Variants in PTCHD4 observed in about 807,000 individuals in gnomAD.
PTCHD4 encodes the protein patched domain-containing protein 4.
PTCHD4 carries 33 observed loss-of-function variants against 58.1 expected under a neutral mutation model. That is an observed-to-expected ratio of 0.57 (90% CI 0.43 to 0.76). The LOEUF is 0.76. Ranked by LOEUF, PTCHD4 falls within the 30% of genes least tolerant of loss-of-function variation. PTCHD4 has a pLI of 0.00. For missense variants in PTCHD4, 1,058 were observed against 1,027.1 expected (o/e 1.03, Z -0.41); for synonymous variants, 478 against 409.6 (o/e 1.17, Z -2.02).
Position 48,068,661 on chromosome 6 carries a change from A to G in PTCHD4, c.6-20T>C. On this transcript the variant is annotated intron_variant, in intron 2 of 4. Transcript: ENST00000339488. This position sits in a 1 kb window ranked among gnomAD's most constrained non-coding sequence, Gnocchi z 4.2. Reference sequence around the variant, plus strand: ...GGCCGTCTTAAAAAGCACATGTGACATGTGTAAGCGCCGGGCTACCCCGTT... The same window carrying G: ...GGCCGTCTTAAAAAGCACATGTGACGTGTGTAAGCGCCGGGCTACCCCGTT... 6.5e-7 allele frequency: 1 copy of G among 1,530,500 alleles called. No individual in the cohort carries two copies. The highest frequency in any genetic ancestry group is 8.7e-7 in the Non-Finnish European group (1 of 1,143,360). 94.8% of individuals were successfully genotyped at this position (1,530,500 alleles called of 1,614,324 possible). A position where few individuals can be genotyped will look rare whatever the true frequency, so the allele number is the denominator to read the frequency against.
chr6:47,950,255 A>G (rs1581922045), intron 4 of PTCHD4, among the ~76,000 whole-genome samples: 1 of 152,090 alleles, frequency 6.6e-6, no homozygotes, highest in African/African-American at 2.4e-5. Context: ...TGAAGGGGGA[A>G]AGTTGCATAA....
intron 1 of PTCHD4, among the ~76,000 whole-genome samples, chr6:48,110,656 C>CACAT (rs1364978172): frequency 6.6e-6 from 1 of 151,092 alleles, no homozygotes; most frequent in Non-Finnish European, 1.5e-5. Flanking sequence ...CACACACACA[C>CACAT]ACACATACAC....
intron 4 of PTCHD4, among the ~76,000 whole-genome samples, chr6:47,881,069 T>C (rs776141999): frequency 6.6e-6 from 1 of 152,144 alleles, no homozygotes. Context: ...ATACAAGCTG[T>C]GCTTGGGCTG....
At chr6:48,098,014 C>T (rs1228687241) in intron 1 of PTCHD4, among the ~76,000 whole-genome samples, 1 of 152,140 alleles carries the variant, frequency 6.6e-6, no homozygotes, top group African/African-American at 2.4e-5. Flanking sequence ...AGTTCCTGTA[C>T]ATCACCTACC....
chr6:48,099,776 G>A (rs373049829), intron 1 of PTCHD4, among the ~76,000 whole-genome samples: 133 of 152,312 alleles, frequency 8.7e-4, no homozygotes, highest in African/African-American at 3.1e-3. Flanking sequence ...TCTGAATTAG[G>A]TGTTTTGATG....
intron 3 of PTCHD4, among the ~76,000 whole-genome samples, chr6:48,009,584 C>T (rs993365253): frequency 6.6e-6 from 1 of 152,118 alleles, no homozygotes; most frequent in African/African-American, 2.4e-5. Flanking sequence ...TATACCTATG[C>T]CAACACTGAT....
At chr6:47,909,021 G>T (rs1478239841) in intron 4 of PTCHD4, among the ~76,000 whole-genome samples, 2 of 152,144 alleles carry the variant, frequency 1.3e-5, no homozygotes, top group Non-Finnish European at 2.9e-5. Context: ...TTAGCAGGTT[G>T]CCAGGTATAC....
intron 4 of PTCHD4, among the ~76,000 whole-genome samples, chr6:47,881,693 A>C (rs1764024829): frequency 6.6e-6 from 1 of 152,188 alleles, no homozygotes; most frequent in South Asian, 2.1e-4. Context: ...TATAGTATTT[A>C]CAGACTTAAA....
rs1765453573 is a variant in PTCHD4, at chr6:48,095,665, G to C, written c.-970+15384C>G. Among the ~76,000 whole-genome samples the C allele has an allele frequency of 2.0e-5, 3 of 151,370 alleles. No individual in the cohort carries two copies. In the South Asian group the frequency reaches 6.2e-4, roughly 31 times the overall value. Reference sequence around the variant, plus strand: ...GATTGCGCCACTGCACTCCAGCCTAGGCTACAGAGCAAGACTCCGTCTCAA... The same window carrying C: ...GATTGCGCCACTGCACTCCAGCCTACGCTACAGAGCAAGACTCCGTCTCAA... On this transcript the variant is annotated intron_variant, in intron 1 of 4. Coordinates refer to ENST00000339488, the MANE Select transcript of PTCHD4 (RefSeq NM_001384253.1).
chr6:47,927,348 C>G (rs1161976133), intron 4 of PTCHD4, among the ~76,000 whole-genome samples: 1 of 152,156 alleles, frequency 6.6e-6, no homozygotes, highest in Non-Finnish European at 1.5e-5. Flanking sequence ...GCAGTCCCTC[C>G]GTAGCCTATC....
At position 47,879,014 on chromosome 6, in the gene PTCHD4, C is replaced by T; in HGVS notation, c.1821G>A (p.Leu607=). Residue 607 remains leucine, a synonymous_variant, in exon 5 of 5, where the codon CTG becomes CTA. Coordinates refer to ENST00000339488, the MANE Select transcript of PTCHD4 (RefSeq NM_001384253.1). The part of the protein sequence containing the change: ...ESNIIASRLY[L]VARTSRDKQK... The stretch of plus-strand genomic sequence containing the variant: ...GCTTGTCTCTGCTAGTCCTGGCCAC[C>T]AGATACAAGCGAGAAGCAATGATAT... 6.2e-7 allele frequency: 1 copy of T among 1,613,432 alleles called. No homozygotes were observed. Among genetic ancestry groups the T allele is most frequent in the Non-Finnish European group, 8.5e-7 (1 of 1,179,750 alleles).
chr6:47,924,430 T>C (rs1266603776), intron 4 of PTCHD4, among the ~76,000 whole-genome samples: 1 of 152,082 alleles, frequency 6.6e-6, no homozygotes, highest in Non-Finnish European at 1.5e-5. Flanking sequence ...GGAGTAGGTG[T>C]GGAGGTTAAG....
intron 3 of PTCHD4, among the ~76,000 whole-genome samples, chr6:48,040,510 C>T (rs767197592): frequency 1.4e-4 from 21 of 151,950 alleles, no homozygotes; most frequent in African/African-American, 9.7e-5. Context: ...TTTCCTAGCT[C>T]CCACAATGAG....
intron 4 of PTCHD4, among the ~76,000 whole-genome samples, chr6:47,971,413 A>G (rs1767506031): frequency 6.6e-6 from 1 of 152,192 alleles, no homozygotes; most frequent in Non-Finnish European, 1.5e-5. Flanking sequence ...TGTACCCAGC[A>G]GAAGAATGAA....
At chr6:47,954,591 A>G (rs905199071) in intron 4 of PTCHD4, among the ~76,000 whole-genome samples, 8 of 152,206 alleles carry the variant, frequency 5.3e-5, no homozygotes, top group Non-Finnish European at 7.3e-5. Context: ...CTGACATTAG[A>G]GGCATTCTTT....
At chr6:48,022,400 A>T (rs1189156207) in intron 3 of PTCHD4, among the ~76,000 whole-genome samples, 1 of 152,042 alleles carries the variant, frequency 6.6e-6, no homozygotes, top group Non-Finnish European at 1.5e-5. Context: ...TTTATTTTTA[A>T]TCCCCAAAAG....
At chr6:48,006,108 C>T (rs1358726815) in intron 4 of PTCHD4, among the ~76,000 whole-genome samples, 3 of 152,128 alleles carry the variant, frequency 2.0e-5, no homozygotes, top group African/African-American at 4.8e-5. Context: ...AGAAATGATC[C>T]TTTCAGAAGA....
intron 4 of PTCHD4, among the ~76,000 whole-genome samples, chr6:47,913,650 A>T (rs1765137820): frequency 1.3e-5 from 2 of 152,116 alleles, no homozygotes; most frequent in South Asian, 2.1e-4. Context: ...AAGGACTACC[A>T]CTGTAAGCAG....
At chr6:48,039,945 G>A (rs1763785379) in intron 3 of PTCHD4, among the ~76,000 whole-genome samples, 1 of 152,056 alleles carries the variant, frequency 6.6e-6, no homozygotes, top group Non-Finnish European at 1.5e-5. Context: ...AGAAAAACCT[G>A]GGAAGCTTGT....
Sources: allele counts gnomAD v4.1 joint callset (sites outside exome capture counted in the v4.1 genomes callset), GRCh38; gene constraint gnomAD v4.1.1; non-coding constraint Gnocchi (gnomAD v3.1); transcripts MANE v1.5; gene names NCBI Gene and HGNC (gene_info 2026-07-23, HGNC 2026-07-21).